The following BSCL2 variants were observed in gnomAD, a reference collection of about 807,000 sequenced individuals.
BSCL2 encodes seipin.
In BSCL2, 41 loss-of-function variants were observed where a neutral mutation model predicts 57.4. The ratio of observed to expected loss-of-function variants is 0.71; its 90% CI spans 0.56 to 0.93. BSCL2 has a LOEUF of 0.93. BSCL2 is among the 40% of genes least tolerant of loss of function. The probability of loss-of-function intolerance (pLI) is 0.00; values close to 1 mark genes in which losing one functional copy is unlikely to be tolerated. For missense variants in BSCL2, 539 were observed against 586.7 expected (o/e 0.92, Z 0.84); for synonymous variants, 237 against 227.3 (o/e 1.04, Z -0.38).
chr11:62,692,170 A>C (rs1945329465), intron 6 of BSCL2, among the ~76,000 whole-genome samples: 1 of 152,114 alleles, frequency 6.6e-6, no homozygotes. Flanking sequence ...GGGGGACAAA[A>C]AACAAAAATT....
intron 3 of BSCL2, among the ~76,000 whole-genome samples, chr11:62,700,084 T>TAAAA (rs34412546): frequency 2.5e-5 from 2 of 80,224 alleles, no homozygotes; most frequent in African/African-American, 4.6e-5. Flanking sequence ...TACTAAAAAT[T>TAAAA]AAAAAAAAAA....
intron 1 of BSCL2, among the ~76,000 whole-genome samples, chr11:62,706,876 A>G (rs2083549457): frequency 6.6e-6 from 1 of 152,218 alleles, no homozygotes; most frequent in South Asian, 2.1e-4. Flanking sequence ...ACAGCACATT[A>G]TCTAGACTAG....
At chr11:62,708,340 A>C, upstream of BSCL2, 1 of 1,613,988 alleles carries the variant, frequency 6.2e-7, no homozygotes, top group Non-Finnish European at 8.5e-7. Context: ...GTATTGGGCA[A>C]GCACGCAAGA....
intron 3 of BSCL2, among the ~76,000 whole-genome samples, chr11:62,694,915 G>A (rs1945412640): frequency 6.6e-6 from 1 of 152,108 alleles, no homozygotes; most frequent in Admixed American, 6.6e-5. Flanking sequence ...CCAGTTCTTG[G>A]GTATCCTGTT....
intron 4 of BSCL2, among the ~76,000 whole-genome samples, chr11:62,693,227 G>C (rs1242194583): frequency 6.6e-6 from 1 of 152,174 alleles, no homozygotes; most frequent in Non-Finnish European, 1.5e-5. Context: ...TATTAGGCCA[G>C]GTGCGGTGGC....
At position 62,707,134 on chromosome 11, in the gene BSCL2, T is replaced by A. The variant is rs1006065298; in HGVS notation, c.62A>T (p.Gln21Leu). ...CTCCTCTTTGTCCGGTCCTTTGATC[T>A]GGTCTCCGCACACCTCTTTTTCCCC... ...EAGEKEVCGD[Q>L]IKGPDKEEEP... Residue 21 changes from glutamine to leucine, a missense_variant, in exon 1 of 11, where the codon CAG (glutamine) becomes CTG (leucine). Around this residue, in one of 3 missense-constraint regions of BSCL2, gnomAD observed 218 missense variants for 224.8 expected, o/e 0.97. Coordinates refer to ENST00000360796, the MANE Select transcript of BSCL2 (RefSeq NM_001122955.4). 5.1e-6 allele frequency: 8 copies of A among 1,554,518 alleles called. No homozygotes were observed. Among genetic ancestry groups the A allele is most frequent in the Admixed American group, 3.9e-5 (2 of 51,002 alleles).
chr11:62,691,169 AGG>A, intron 7 of BSCL2, 28 bp from the exon 8 acceptor site: 1 of 1,614,156 alleles, frequency 6.2e-7, no homozygotes, highest in Non-Finnish European at 8.5e-7. Context: ...CTGAGCAGCC[AGG>A]ACTGACTTCC....
chr11:62,694,719 A>G lies in BSCL2; in HGVS notation c.487-8T>C. The G allele has an allele frequency of 6.2e-7, 1 of 1,613,978 alleles. No individual in the cohort carries two copies. The highest frequency in any genetic ancestry group is 8.5e-7 in the Non-Finnish European group (1 of 1,179,952). On this transcript the variant is annotated splice_polypyrimidine_tract_variant and splice_region_variant and intron_variant, in intron 3 of 10. Transcript: ENST00000360796. Reference sequence around the variant, plus strand: ...CTGTCCATACATCAGCACCTGCCAAAGGTAGCCCCCATTTCTTTAAAAAAA... The same window carrying G: ...CTGTCCATACATCAGCACCTGCCAAGGGTAGCCCCCATTTCTTTAAAAAAA...
At chr11:62,690,577 G>C (rs1311305069) in intron 10 of BSCL2, 35 bp downstream of exon 10, 1 of 1,613,960 alleles carries the variant, frequency 6.2e-7, no homozygotes, top group South Asian at 1.1e-5. Flanking sequence ...TTAACCGGGG[G>C]CCCCACCCAG....
At chr11:62,692,331 C>T in intron 6 of BSCL2, 45 bp downstream of exon 6, 1 of 1,588,374 alleles carries the variant, frequency 6.3e-7, no homozygotes, top group Non-Finnish European at 8.6e-7. Context: ...GGAAGGTTAG[C>T]CCCCGTGAAG....
In BSCL2 at chr11:62,694,649, C is replaced by A. The variant is rs1234761680; in HGVS notation, c.549G>T (p.Val183=). The A allele has an allele frequency of 1.2e-6, 2 of 1,614,180 alleles. No individual in the cohort carries two copies. The highest frequency in any genetic ancestry group is 1.3e-5 in the African/African-American group (1 of 75,034). ...TLELELPESP[V]NQDLGMFLVT... ...CCAAGAACATGCCCAAATCTTGATT[C>A]ACAGGGGACTCTGGCAGCTCAAGCT... is the stretch of plus-strand genomic sequence containing the variant. Residue 183 remains valine, a synonymous_variant, in exon 4 of 11, where the codon GTG becomes GTT. Coordinates refer to ENST00000360796, the MANE Select transcript of BSCL2 (RefSeq NM_001122955.4).
chr11:62,703,791 T>C (rs1945722775), intron 2 of BSCL2, among the ~76,000 whole-genome samples: 1 of 152,032 alleles, frequency 6.6e-6, no homozygotes. Flanking sequence ...CGCCCTTCTC[T>C]GCATCTGTTG....
intron 4 of BSCL2, 100 bp downstream of exon 4, chr11:62,694,468 C>A: frequency 6.4e-7 from 1 of 1,570,480 alleles, no homozygotes; most frequent in Non-Finnish European, 8.7e-7. Flanking sequence ...GCCTCCCAAA[C>A]TGCTGGGATT....
chr11:62,696,466 CT>C lies in BSCL2; in HGVS notation c.487-1756del, dbSNP rs1441270467. Among the ~76,000 whole-genome samples the C allele has an allele frequency of 4.5e-5, 4 of 88,020 alleles. No individual in the cohort carries two copies. In the Admixed American group the frequency reaches 6.3e-4, roughly 14 times the overall value. 57.7% of individuals were successfully genotyped at this position (88,020 alleles called of 152,430 possible). A position where few individuals can be genotyped will look rare whatever the true frequency, so the allele number is the denominator to read the frequency against. ...TATAGGCACATGCAACCACATGCAA[CT>C]AAAAATTTTTTTTTTTTTTTGGAGA... On this transcript the variant is annotated intron_variant, in intron 3 of 10. Transcript: ENST00000360796.
chr11:62,706,982 C>T (rs1250797549), intron 1 of BSCL2, 127 bp downstream of exon 1: 3 of 805,106 alleles, frequency 3.7e-6, no homozygotes, highest in African/African-American at 1.7e-5. Context: ...CACACTGCTG[C>T]GGGCGTGGGA....
intron 3 of BSCL2, among the ~76,000 whole-genome samples, chr11:62,700,282 A>ACTC (rs1452036137): frequency 1.3e-5 from 2 of 151,248 alleles, no homozygotes; most frequent in African/African-American, 4.9e-5. Flanking sequence ...TATAGGTTAT[A>ACTC]CTCCTCCCTT....
In BSCL2 at chr11:62,692,396, G is replaced by A. The variant is rs1188344099; in HGVS notation, c.843C>T (p.His281=). The part of the protein sequence containing the change: ...IQLYGAYLRI[H]AHFTGLRYLL... ...CTCACCTGAGCCCAGTGAAGTGCGC[G>A]TGGATGCGGAGGTAGGCTCCATACA... Residue 281 remains histidine (H), a synonymous_variant, in exon 6 of 11, where the codon CAC becomes CAT. Coordinates refer to ENST00000360796, the MANE Select transcript of BSCL2 (RefSeq NM_001122955.4). 1.8e-5 allele frequency: 29 copies of A among 1,614,068 alleles called. No individual in the cohort carries two copies. The highest frequency in any genetic ancestry group is 1.0e-4 in the Admixed American group (6 of 60,006).
Position 62,705,580 on chromosome 11 carries a change from C to T in BSCL2, c.125G>A (p.Arg42His), listed in dbSNP as rs775351747. The change falls in exon 2 of 11, where the codon CGT becomes CAT. Residue 42 changes from arginine to histidine, a missense_variant. Arg to His is a conservative substitution (Grantham distance 29, BLOSUM62 0). Transcript: ENST00000360796. ...GTTCCTAGCTGCTCTGCCACCTGGACGCCACCCCTGGCCATGGGATGCAGC... is the reference window on the plus strand; with the variant it reads ...GTTCCTAGCTGCTCTGCCACCTGGATGCCACCCCTGGCCATGGGATGCAGC... The part of the protein sequence containing the change: ...PAAASHGQGW[R>H]PGGRAARNAR... 1 of 1,575,826 alleles carries T rather than the reference C, an allele frequency of 6.3e-7. No individual in the cohort carries two copies. Among genetic ancestry groups the T allele is most frequent in the Admixed American group, 1.8e-5 (1 of 54,364 alleles).
At chr11:62,706,524 A>T (rs1787927799) in intron 1 of BSCL2, 2 of 441,976 alleles carry the variant, frequency 4.5e-6, no homozygotes, top group Non-Finnish European at 9.1e-6. Context: ...GCCTCCCTGC[A>T]GGCCCCAAGA....
Sources: gnomAD v4.1 joint callset for allele counts (sites outside exome capture counted in the v4.1 genomes callset) on GRCh38, gnomAD v4.1.1 for gene constraint, gnomAD v4.1.1 regional missense constraint, MANE v1.5 for transcripts, NCBI Gene and HGNC (gene_info 2026-07-23, HGNC 2026-07-21) for gene names.